PHKB: variants seen among roughly 807,000 people sequenced by gnomAD.
The protein encoded by PHKB is phosphorylase kinase regulatory subunit beta.
A neutral mutation model predicts 152.1 loss-of-function variants in PHKB; 122 were observed. The ratio of observed to expected loss-of-function variants is 0.80; its 90% CI spans 0.69 to 0.93. PHKB has a LOEUF of 0.93. Among genes scored for constraint, PHKB ranks in the 40% least tolerant of loss-of-function variants. PHKB has a pLI of 0.00. For missense variants in PHKB, 1,304 were observed against 1,328.4 expected, an observed-to-expected ratio of 0.98 and a Z score of 0.29; for synonymous variants, 436 against 464.9, an observed-to-expected ratio of 0.94 and a Z score of 0.80.
At chr16:47,534,601 T>TAC (rs1970919600) in intron 6 of PHKB, among the ~76,000 whole-genome samples, 1 of 152,148 alleles carries the variant, frequency 6.6e-6, no homozygotes, top group South Asian at 2.1e-4. Flanking sequence ...CTGAAATTAG[T>TAC]ACATAAAATT....
intron 22 of PHKB, 101 bp downstream of exon 22, chr16:47,660,920 C>A: frequency 8.3e-7 from 1 of 1,198,054 alleles, no homozygotes; most frequent in Non-Finnish European, 1.2e-6. Flanking sequence ...GTGAAGGTAG[C>A]AATTAATCTG....
rs776897386 is a variant in PHKB at position 47,649,121 on chromosome 16, A to T, written c.1714A>T (p.Thr572Ser). Residue 572 changes from threonine (T) to serine (S), a missense_variant, in exon 18 of 31, where the codon ACT (threonine) becomes TCT (serine). Coordinates refer to ENST00000323584, the MANE Select transcript of PHKB (RefSeq NM_000293.3). ...TSKIYRILGK[T>S]VVCYPIIFDL... is the part of the protein sequence containing the mutation. Reference sequence around the variant, plus strand: ...ACAGATTTATCGCATTCTAGGAAAGACTGTGGTTTGTTACCCGATTATTTT... The same window carrying T: ...ACAGATTTATCGCATTCTAGGAAAGTCTGTGGTTTGTTACCCGATTATTTT... The T allele has an allele frequency of 1.9e-5, 30 of 1,603,724 alleles. No homozygotes were observed. The South Asian group carries it at 3.2e-4, about 17-fold the overall frequency.
intron 14 of PHKB, among the ~76,000 whole-genome samples, chr16:47,616,834 T>G (rs964249035): frequency 1.3e-5 from 2 of 151,684 alleles, no homozygotes; most frequent in Non-Finnish European, 1.5e-5. Flanking sequence ...GAACAGAGAT[T>G]TACCCACATA....
intron 4 of PHKB, among the ~76,000 whole-genome samples, chr16:47,511,409 A>G (rs1487716340): frequency 6.6e-6 from 1 of 152,220 alleles, no homozygotes; most frequent in Non-Finnish European, 1.5e-5. Flanking sequence ...AGCCATTGCT[A>G]CTACATTAAC....
chr16:47,665,052 CT>C lies in PHKB; in HGVS notation c.2427+81del, dbSNP rs1396236614. 6.6e-6 allele frequency: 6 copies of C among 908,106 alleles called. No homozygotes were observed. In the African/African-American group the frequency reaches 8.1e-5, roughly 12 times the overall value. The allele number at this position is 908,106 out of a possible 1,614,324, so 56.3% of individuals were successfully genotyped here. On this transcript the variant is annotated intron_variant, in intron 25 of 30. Coordinates refer to ENST00000323584, the MANE Select transcript of PHKB (RefSeq NM_000293.3). ...TTTGCACTCTGAAGGTTAAATATGT[CT>C]TTTGGTCTTATAGTGTGTGGGTGAA...
At position 47,667,288 on chromosome 16, in the gene PHKB, A is replaced by G. The variant is rs142670293; in HGVS notation, c.2428-1927A>G. ...TCTGCAAAAAAAAGAAAAAAAAAAT[A>G]GTTGGGCCTGGTGGCACATGCCTTT... is the stretch of plus-strand genomic sequence containing the variant. On this transcript the variant is annotated intron_variant, in intron 25 of 30. Transcript: ENST00000323584. Among the ~76,000 whole-genome samples the G allele has an allele frequency of 7.8e-3, 1,189 of 151,918 alleles. 10 individuals are homozygous for G. Among genetic ancestry groups the G allele is most frequent in the Non-Finnish European group, 0.012 (800 of 67,950 alleles).
In PHKB at chr16:47,698,533, A is replaced by G. The variant is rs747925145; in HGVS notation, c.3089A>G (p.Glu1030Gly). Reference sequence around the variant, plus strand: ...GTAGATCTAGACAGACTGGTCAAAGAAGCATTTAATGAATTTCAAAAAGAT... The same window carrying G: ...GTAGATCTAGACAGACTGGTCAAAGGAGCATTTAATGAATTTCAAAAAGAT... ...DKVDLDRLVK[E>G]AFNEFQKDQS... Residue 1030 changes from glutamate (E) to glycine (G), a missense_variant, in exon 30 of 31, where the codon GAA becomes GGA. Physicochemically the swap from Glu to Gly is moderately conservative, Grantham distance 98. Coordinates refer to ENST00000323584, the MANE Select transcript of PHKB (RefSeq NM_000293.3). The G allele has an allele frequency of 1.2e-6, 2 of 1,612,182 alleles. No homozygotes were observed. Among genetic ancestry groups the G allele is most frequent in the Admixed American group, 3.3e-5 (2 of 60,000 alleles).
intron 1 of PHKB, among the ~76,000 whole-genome samples, chr16:47,482,921 A>G (rs1015695606): frequency 3.3e-5 from 5 of 151,488 alleles, no homozygotes; most frequent in Admixed American, 6.6e-5. Context: ...GGGTTTTGCC[A>G]TGTTGTCCAG....
chr16:47,464,160 T>C (rs1219796733), intron 1 of PHKB: 84 of 640,900 alleles, frequency 1.3e-4, no homozygotes, highest in Non-Finnish European at 2.2e-4. Flanking sequence ...GTTTTGAATG[T>C]GGCCTATTGT....
In PHKB at chr16:47,615,336, C is replaced by T. The variant is rs182151610; in HGVS notation, c.1458+4416C>T. Among the ~76,000 whole-genome samples the T allele has an allele frequency of 2.8e-3, 419 of 152,238 alleles. 3 individuals carry two copies. Among genetic ancestry groups the T allele is most frequent in the Non-Finnish European group, 3.1e-3 (212 of 68,032 alleles). ...TAGAACACTGTGGAGTCAGGAAAGC[C>T]GTCTGGGGCTTCTTTGTTGATGCTG... On this transcript the variant is annotated intron_variant, in intron 14 of 30. Transcript: ENST00000323584.
chr16:47,494,002 A>G (rs576462087), intron 1 of PHKB, among the ~76,000 whole-genome samples: 1 of 152,348 alleles, frequency 6.6e-6, no homozygotes, highest in African/African-American at 2.4e-5. Flanking sequence ...AAGAATATGT[A>G]CAAATTGAAT....
At chr16:47,608,431 A>G (rs1160901245) in intron 13 of PHKB, among the ~76,000 whole-genome samples, 1 of 152,230 alleles carries the variant, frequency 6.6e-6, no homozygotes, top group Non-Finnish European at 1.5e-5. Context: ...TCAATAAAAA[A>G]ACTTTTTTTG....
Position 47,594,166 on chromosome 16 carries a change from C to T in PHKB, c.1156C>T (p.Gln386Ter). The stretch of plus-strand genomic sequence containing the variant: ...TTTTAGAGGCAATCCTAAGCAAGTA[C>T]AGGAATATCAGGATCTTTTGACTCC... ...GVFRGNPKQV[Q>*]EYQDLLTPVL... Residue 386 changes from glutamine to a stop codon, truncating the protein, a stop_gained, in exon 12 of 31, where the codon CAG becomes TAG. Coordinates refer to ENST00000323584, the MANE Select transcript of PHKB (RefSeq NM_000293.3). LOFTEE classifies it high-confidence loss of function. The T allele has an allele frequency of 6.4e-7, 1 of 1,574,592 alleles. No individual in the cohort carries two copies. The highest frequency in any genetic ancestry group is 8.7e-7 in the Non-Finnish European group (1 of 1,144,382).
At chr16:47,565,689 T>C (rs1971553347) in intron 7 of PHKB, 1 of 1,387,954 alleles carries the variant, frequency 7.2e-7, no homozygotes, top group Non-Finnish European at 1.0e-6. Context: ...TTCTTCACTT[T>C]GCCAGTTTGG....
intron 13 of PHKB, among the ~76,000 whole-genome samples, chr16:47,608,002 G>A (rs1328324613): frequency 6.6e-6 from 1 of 151,684 alleles, no homozygotes; most frequent in African/African-American, 2.4e-5. Context: ...AGCCTATATA[G>A]ACACTGTGGC....
chr16:47,581,455 G>A (rs1437438574), intron 8 of PHKB, among the ~76,000 whole-genome samples: 1 of 152,108 alleles, frequency 6.6e-6, no homozygotes, highest in Non-Finnish European at 1.5e-5. Context: ...TTTAAAGAAT[G>A]GCATTATATT....
intron 1 of PHKB, among the ~76,000 whole-genome samples, chr16:47,493,711 AC>A (rs1970187648): frequency 6.6e-6 from 1 of 152,328 alleles, no homozygotes; most frequent in South Asian, 2.1e-4. Flanking sequence ...TATTTTGGTC[AC>A]TCAAGAACAT....
rs145306198 is a variant in PHKB at position 47,612,661 on chromosome 16, G to A, written c.1458+1741G>A. ...AGAAATGCTCCTCTCCTGTAGCCAC[G>A]TGGCAGATTACCTCTGTGCAGTGTT... On this transcript the variant is annotated intron_variant, in intron 14 of 30. Transcript: ENST00000323584. 8.5e-5 allele frequency among the ~76,000 whole-genome samples: 13 copies of A among 152,316 alleles called. No individual in the cohort carries two copies. The East Asian group carries it at 1.9e-3, about 23-fold the overall frequency.
At chr16:47,531,789 A>G (rs1021869709) in intron 6 of PHKB, among the ~76,000 whole-genome samples, 1 of 152,218 alleles carries the variant, frequency 6.6e-6, no homozygotes, top group African/African-American at 2.4e-5. Flanking sequence ...TAATTTTCCT[A>G]TATCACAATC....
Sources: gnomAD v4.1 joint callset for allele counts (sites outside exome capture counted in the v4.1 genomes callset) on GRCh38, gnomAD v4.1.1 for gene constraint, MANE v1.5 for transcripts, NCBI Gene and HGNC (gene_info 2026-07-23, HGNC 2026-07-21) for gene names.